CFAP54: variants seen among roughly 807,000 people sequenced by gnomAD.
CFAP54 encodes cilia and flagella associated protein 54.
A neutral mutation model predicts 370.4 loss-of-function variants in CFAP54; 290 were observed. The ratio of observed to expected loss-of-function variants is 0.78; its 90% CI spans 0.71 to 0.86. The LOEUF is 0.86. CFAP54 is among the 40% of genes least tolerant of loss of function. The pLI is 0.00. For missense variants in CFAP54, 3,399 were observed against 3,528.7 expected, an observed-to-expected ratio of 0.96 and a Z score of 0.93; for synonymous variants, 1,206 against 1,236.5, an observed-to-expected ratio of 0.98 and a Z score of 0.52.
Position 96,679,587 on chromosome 12 carries a change from T to G in CFAP54, c.5564-13T>G. ...CATTTCATCCCCAATATTCCGCTTT[T>G]CTTTCCTTTCAGAATACAGCCGAGC... On this transcript the variant is annotated splice_polypyrimidine_tract_variant and intron_variant, in intron 39 of 67. Transcript: ENST00000524981. 2 of 1,605,494 alleles carry G rather than the reference T, an allele frequency of 1.2e-6. No homozygotes were observed. Among genetic ancestry groups the G allele is most frequent in the Non-Finnish European group, 1.7e-6 (2 of 1,175,910 alleles).
At chr12:96,757,372 G>A (rs1438786896) in intron 57 of CFAP54, 123 bp from the exon 58 acceptor site, 3 of 506,912 alleles carry the variant, frequency 5.9e-6, no homozygotes, top group Non-Finnish European at 7.0e-6. Flanking sequence ...GAGGGTGTGT[G>A]TTTGTGACAG....
At chr12:96,828,059 T>C (rs1258454138) in intron 65 of CFAP54, among the ~76,000 whole-genome samples, 2 of 128,170 alleles carry the variant, frequency 1.6e-5, no homozygotes, top group African/African-American at 3.0e-5. Context: ...ATTAATATAT[T>C]ATTAATATAT....
chr12:96,861,898 G>A (rs1403937042), intron 67 of CFAP54, among the ~76,000 whole-genome samples: 1 of 152,164 alleles, frequency 6.6e-6, no homozygotes, highest in Admixed American at 6.5e-5. Flanking sequence ...CTTCCCAGAT[G>A]CTAGTCAGTG....
chr12:96,811,747 G>C lies in CFAP54; in HGVS notation c.8862G>C (p.Leu2954Phe). The C allele has an allele frequency of 2.0e-6, 3 of 1,488,084 alleles. No individual in the cohort carries two copies. The Admixed American group carries it at 6.8e-5, about 34-fold the overall frequency. 92.2% of individuals were successfully genotyped at this position (1,488,084 alleles called of 1,614,324 possible). ...TATTTTTCTTATAGGTTTTATTGTT[G>C]TATGCATATAATTTGAAGCCTCTGA... ...PKETEPMVLL[L>F]YAYNLKPLKI... The change falls in exon 64 of 68, where the codon TTG becomes TTC. Residue 2954 changes from leucine (L) to phenylalanine (F), a missense_variant. This residue lies in a region of CFAP54 where 2,796 missense variants were observed against 2,869.7 expected (regional missense o/e 0.97). Transcript: ENST00000524981.
intron 43 of CFAP54, among the ~76,000 whole-genome samples, chr12:96,689,631 G>A (rs1356834184): frequency 1.3e-5 from 2 of 152,036 alleles, no homozygotes; most frequent in Non-Finnish European, 2.9e-5. Context: ...TCTAAATTCA[G>A]TTTTGCTTGG....
chr12:96,636,026 C>T (rs1034250781), intron 32 of CFAP54, among the ~76,000 whole-genome samples: 14 of 152,110 alleles, frequency 9.2e-5, no homozygotes, highest in African/African-American at 3.4e-4. Context: ...AAGGTCTCAC[C>T]CTCTAATCAT....
chr12:96,680,359 G>A (rs117560547), intron 40 of CFAP54, among the ~76,000 whole-genome samples: 1,934 of 152,226 alleles, frequency 0.013, 19 homozygotes, highest in Non-Finnish European at 0.021. Context: ...CCTCAGAGAA[G>A]AGTACATTCA....
At chr12:96,667,485 C>A (rs1287395293) in intron 39 of CFAP54, among the ~76,000 whole-genome samples, 3 of 152,244 alleles carry the variant, frequency 2.0e-5, no homozygotes, top group African/African-American at 7.2e-5. Flanking sequence ...AGACTCAACA[C>A]CATGTGGAAA....
At chr12:96,834,031 G>A (rs1448396667) in intron 66 of CFAP54, among the ~76,000 whole-genome samples, 1 of 152,128 alleles carries the variant, frequency 6.6e-6, no homozygotes, top group Non-Finnish European at 1.5e-5. Flanking sequence ...TCAAATATGG[G>A]TCTGCTTAAC....
At chr12:96,873,400 A>G (rs1481864619) in intron 67 of CFAP54, among the ~76,000 whole-genome samples, 1 of 152,202 alleles carries the variant, frequency 6.6e-6, no homozygotes, top group Non-Finnish European at 1.5e-5. Context: ...TTATTTGTTC[A>G]TGTAACTGAA....
chr12:96,734,896 A>G (rs1957961840), intron 50 of CFAP54, among the ~76,000 whole-genome samples: 1 of 152,220 alleles, frequency 6.6e-6, no homozygotes, highest in Non-Finnish European at 1.5e-5. Context: ...TTTTACTTCA[A>G]GTAAATATGA....
chr12:96,743,781 G>A lies in CFAP54; in HGVS notation c.7428G>A (p.Arg2476=). Residue 2476 remains arginine (R), a synonymous_variant, in exon 54 of 68, where the codon CGG becomes CGA. Coordinates refer to ENST00000524981, the MANE Select transcript of CFAP54 (RefSeq NM_001306084.2). ...EGNEFISPQS[R]LTLARSLVLL... ...ATGAATTTATTTCTCCTCAATCACG[G>A]CTAACCCTGGCAAGAAGCCTAGTTT... is the stretch of plus-strand genomic sequence containing the variant. 1 of 1,613,644 alleles carries A rather than the reference G, an allele frequency of 6.2e-7. No individual in the cohort carries two copies.
chr12:96,743,713 A>T lies in CFAP54; in HGVS notation c.7378-18A>T. 1.3e-6 allele frequency: 2 copies of T among 1,572,398 alleles called. No individual in the cohort carries two copies. Among genetic ancestry groups the T allele is most frequent in the Non-Finnish European group, 1.7e-6 (2 of 1,158,880 alleles). ...ATTGGAAACAGTACTATCAAAATGA[A>T]TAATTTTATTTTAATAGGATATAAT... is the stretch of plus-strand genomic sequence containing the variant. On this transcript the variant is annotated intron_variant, in intron 53 of 67. Transcript: ENST00000524981.
chr12:96,633,429 C>T (rs1956629934), intron 32 of CFAP54, among the ~76,000 whole-genome samples: 1 of 152,128 alleles, frequency 6.6e-6, no homozygotes, highest in East Asian at 1.9e-4. Flanking sequence ...TGATATAATC[C>T]ACTGACCTTA....
chr12:96,698,306 G>A (rs1323625960), intron 45 of CFAP54, among the ~76,000 whole-genome samples: 1 of 151,974 alleles, frequency 6.6e-6, no homozygotes, highest in Non-Finnish European at 1.5e-5. Context: ...AAAATATATC[G>A]CTATAAATTG....
At chr12:96,769,473 G>T (rs543329005) in intron 60 of CFAP54, among the ~76,000 whole-genome samples, 12 of 152,340 alleles carry the variant, frequency 7.9e-5, no homozygotes, top group Non-Finnish European at 1.3e-4. Flanking sequence ...GGGGCTGTAG[G>T]TATGTGAAAT....
At chr12:96,699,359 C>G (rs1268191476) in intron 45 of CFAP54, among the ~76,000 whole-genome samples, 1 of 152,142 alleles carries the variant, frequency 6.6e-6, no homozygotes, top group Non-Finnish European at 1.5e-5. Flanking sequence ...GCCTTAGATT[C>G]CCTTCCTTCA....
chr12:96,644,353 CA>C lies in CFAP54; in HGVS notation c.4496del (p.Lys1499SerfsTer8), dbSNP rs1565926212. On this transcript the variant is annotated frameshift_variant, in exon 33 of 68. Coordinates refer to ENST00000524981, the MANE Select transcript of CFAP54 (RefSeq NM_001306084.2). LOFTEE classifies it high-confidence loss of function. ...LAGAHFNLVL[Q>X]KLWECTKMKF... ...AGGTGCACACTTTAACCTGGTTTTACAAAAGCTATGGGAGTGTACGAAGATG... is the reference window on the plus strand; with the variant it reads ...AGGTGCACACTTTAACCTGGTTTTACAAAGCTATGGGAGTGTACGAAGATG... The C allele has an allele frequency of 2.0e-6, 3 of 1,535,938 alleles. No homozygotes were observed. Among genetic ancestry groups the C allele is most frequent in the African/African-American group, 1.4e-5 (1 of 73,152 alleles).
At position 96,576,693 on chromosome 12, in the gene CFAP54, C is replaced by T; in HGVS notation, c.2728C>T (p.Pro910Ser). ...AAAGAAAAGCAGAGTCCCCCCTCCACCTATCCTGCTGTCTCGAACTCATTG... is the reference window on the plus strand; with the variant it reads ...AAAGAAAAGCAGAGTCCCCCCTCCATCTATCCTGCTGTCTCGAACTCATTG... ...KRKKSRVPPP[P>S]ILLSRTHCSV... The change falls in exon 20 of 68, where the codon CCT becomes TCT. Residue 910 changes from proline (P) to serine (S), a missense_variant. By Grantham distance (74) the Pro-to-Ser change is moderately conservative. Coordinates refer to ENST00000524981, the MANE Select transcript of CFAP54 (RefSeq NM_001306084.2). 1 of 1,535,920 alleles carries T rather than the reference C, an allele frequency of 6.5e-7. No homozygotes were observed. The highest frequency in any genetic ancestry group is 8.7e-7 in the Non-Finnish European group (1 of 1,146,686).
Sources: gnomAD v4.1 joint callset for allele counts (sites outside exome capture counted in the v4.1 genomes callset) on GRCh38, gnomAD v4.1.1 for gene constraint, gnomAD v4.1.1 regional missense constraint, MANE v1.5 for transcripts, NCBI Gene and HGNC (gene_info 2026-07-23, HGNC 2026-07-21) for gene names.